GALNT13: variants seen among roughly 807,000 people sequenced by gnomAD.
GALNT13 encodes the protein polypeptide N-acetylgalactosaminyltransferase 13.
Under a neutral mutation model 64.2 loss-of-function variants are expected in GALNT13, and 28 were observed. The observed-to-expected ratio is 0.44, with a 90% CI of 0.32 to 0.60. The LOEUF is 0.60. Ranked by LOEUF, GALNT13 falls within the 20% of genes least tolerant of loss-of-function variation. The pLI is 0.05. For missense variants in GALNT13, 577 were observed against 669.8 expected (o/e 0.86, Z 1.53); for synonymous variants, 214 against 224.6 (o/e 0.95, Z 0.42).
At chr2:153,516,193 C>G in the GALNT13 span, among the ~76,000 whole-genome samples, 1 of 152,066 alleles carries the variant, frequency 6.6e-6, no homozygotes, top group Non-Finnish European at 1.5e-5. Context: ...ATTTATTTAT[C>G]AATATGTCTT....
the GALNT13 span, among the ~76,000 whole-genome samples, chr2:153,221,995 C>A: frequency 6.6e-6 from 1 of 152,184 alleles, no homozygotes; most frequent in Non-Finnish European, 1.5e-5. Flanking sequence ...CTTATTCCCC[C>A]AAGGTGGTGA....
chr2:153,498,412 T>C, the GALNT13 span, among the ~76,000 whole-genome samples: 1 of 152,182 alleles, frequency 6.6e-6, no homozygotes, highest in Admixed American at 6.5e-5. Flanking sequence ...CCAGATCCCA[T>C]ACTTGCCAAG....
At chr2:153,444,942 T>C in the GALNT13 span, among the ~76,000 whole-genome samples, 1 of 152,186 alleles carries the variant, frequency 6.6e-6, no homozygotes, top group Non-Finnish European at 1.5e-5. Flanking sequence ...AGAATTTAGA[T>C]TGAGTGTGTA....
chr2:154,312,253 A>G (rs1327046746), intron 9 of GALNT13, among the ~76,000 whole-genome samples: 2 of 152,218 alleles, frequency 1.3e-5, no homozygotes, highest in African/African-American at 2.4e-5. Flanking sequence ...AATCTTCGCA[A>G]TCCACATTCT....
intron 11 of GALNT13, chr2:154,437,179 G>A (rs799774): frequency 0.99 from 156,495 of 157,390 alleles, 77,807 homozygotes; most frequent in Middle Eastern, 1. Context: ...GATTACAGGC[G>A]TGAGCCACCG....
the GALNT13 span, among the ~76,000 whole-genome samples, chr2:153,777,578 C>T: frequency 2.0e-4 from 30 of 152,278 alleles, no homozygotes; most frequent in African/African-American, 7.0e-4. Context: ...ACACATTTCT[C>T]TTCTACTCAC....
chr2:153,116,263 G>C, the GALNT13 span, among the ~76,000 whole-genome samples: 1 of 152,166 alleles, frequency 6.6e-6, no homozygotes, highest in South Asian at 2.1e-4. Context: ...TTTGTTAAAT[G>C]TTCTTATTAA....
the GALNT13 span, among the ~76,000 whole-genome samples, chr2:153,638,920 A>G: frequency 6.6e-6 from 1 of 152,158 alleles, no homozygotes; most frequent in African/African-American, 2.4e-5. Context: ...AACAATGAGG[A>G]AGGATTGCTG....
chr2:153,332,394 A>G, the GALNT13 span, among the ~76,000 whole-genome samples: 1 of 152,188 alleles, frequency 6.6e-6, no homozygotes, highest in Non-Finnish European at 1.5e-5. Flanking sequence ...CTTATTTCAA[A>G]GAATTTTTTG....
chr2:154,132,006 A>G (rs1682646873), intron 3 of GALNT13, among the ~76,000 whole-genome samples: 1 of 152,216 alleles, frequency 6.6e-6, no homozygotes. Flanking sequence ...AGACTCAGCC[A>G]GTATAGTCCT....
the GALNT13 span, among the ~76,000 whole-genome samples, chr2:153,348,309 C>G: frequency 1.3e-5 from 2 of 152,270 alleles, no homozygotes; most frequent in East Asian, 3.9e-4. Context: ...GTCTCTATGC[C>G]ATTGTGCATA....
chr2:153,269,176 C>CTT, the GALNT13 span, among the ~76,000 whole-genome samples: 1 of 152,042 alleles, frequency 6.6e-6, no homozygotes, highest in Non-Finnish European at 1.5e-5. Flanking sequence ...TTATGTTCTA[C>CTT]TTTTTTAAAA....
chr2:153,240,284 G>A, the GALNT13 span, among the ~76,000 whole-genome samples: 1 of 151,950 alleles, frequency 6.6e-6, no homozygotes, highest in Non-Finnish European at 1.5e-5. Context: ...ACTGATTTGA[G>A]TAATAATAAA....
intron 3 of GALNT13, among the ~76,000 whole-genome samples, chr2:154,132,944 T>A (rs1286345330): frequency 6.6e-6 from 1 of 151,718 alleles, no homozygotes; most frequent in Admixed American, 6.6e-5. Flanking sequence ...GACAAATCTA[T>A]ATATGTTTTA....
chr2:154,377,000 G>C (rs1164429134), intron 9 of GALNT13, among the ~76,000 whole-genome samples: 4 of 152,026 alleles, frequency 2.6e-5, no homozygotes, highest in Admixed American at 2.6e-4. Context: ...AATATTCTTA[G>C]TACCAGAACC....
intron 1 of GALNT13, among the ~76,000 whole-genome samples, chr2:153,898,086 C>CT (rs1323781658): frequency 6.6e-6 from 1 of 151,936 alleles, no homozygotes; most frequent in Non-Finnish European, 1.5e-5. Context: ...TATCCTTTAC[C>CT]TTTTTCACAG....
chr2:153,954,156 G>GAATTAAAGCAATAAATTA (rs1192013062), intron 3 of GALNT13, among the ~76,000 whole-genome samples: 2 of 152,078 alleles, frequency 1.3e-5, no homozygotes, highest in African/African-American at 4.8e-5. Flanking sequence ...GAGAACTAAA[G>GAATTAAAGCAATAAATTA]AATTAAAGCA....
At chr2:154,139,754 C>T (rs923491603) in intron 3 of GALNT13, among the ~76,000 whole-genome samples, 1 of 151,970 alleles carries the variant, frequency 6.6e-6, no homozygotes, top group Non-Finnish European at 1.5e-5. Context: ...CCTGCGTTCT[C>T]TTCACGAATA....
At chr2:153,152,674 C>T in the GALNT13 span, among the ~76,000 whole-genome samples, 19 of 152,114 alleles carry the variant, frequency 1.2e-4, no homozygotes, top group East Asian at 2.9e-3. Context: ...TTTTCTGTTC[C>T]TTTGTTAGTT....
Sources: gnomAD v4.1 joint callset for allele counts (sites outside exome capture counted in the v4.1 genomes callset) on GRCh38, gnomAD v4.1.1 for gene constraint, MANE v1.5 for transcripts, NCBI Gene and HGNC (gene_info 2026-07-23, HGNC 2026-07-21) for gene names.